Variants in ZNF462 observed in about 807,000 individuals in gnomAD.
ZNF462 encodes zinc finger protein 462, also known as zinc finger PBX1-interacting protein.
ZNF462 carries 10 observed loss-of-function variants against 201.9 expected under a neutral mutation model. The observed-to-expected ratio is 0.05, with a 90% CI of 0.03 to 0.08. The LOEUF is 0.08. ZNF462 is among the 10% of genes least tolerant of loss of function. The probability of loss-of-function intolerance (pLI) is 1.00; values close to 1 mark genes in which losing one functional copy is unlikely to be tolerated. For missense variants in ZNF462, 2,523 were observed against 3,168.3 expected (o/e 0.80, Z 4.89); for synonymous variants, 1,227 against 1,193.3 (o/e 1.03, Z -0.58).
At chr9:106,863,687 T>TG (rs1167335641) in intron 1 of ZNF462, among the ~76,000 whole-genome samples, 2 of 151,542 alleles carry the variant, frequency 1.3e-5, no homozygotes, top group Non-Finnish European at 2.9e-5. Context: ...CTGCTCCTGC[T>TG]GGGGGGAGTG....
At chr9:106,874,094 G>A (rs953124454) in intron 1 of ZNF462, among the ~76,000 whole-genome samples, 1 of 151,694 alleles carries the variant, frequency 6.6e-6, no homozygotes, top group Admixed American at 6.6e-5. Context: ...TATTTTCTTA[G>A]ATAAAGGACT....
In ZNF462 at chr9:106,951,642, G is replaced by T. The variant is rs189403652; in HGVS notation, c.6427+12535G>T. 9.1e-3 allele frequency among the ~76,000 whole-genome samples: 1,389 copies of T among 152,246 alleles called. 22 individuals are homozygous for T. The highest frequency in any genetic ancestry group is 0.032 in the African/African-American group (1,312 of 41,532). On this transcript the variant is annotated intron_variant, in intron 7 of 12. Transcript: ENST00000277225. ...GCACAGCACTAGCCCAGGCAGAGCA[G>T]CTTTCACTGTGCTCCTGGGCTTCCT...
rs556598370 is a variant in ZNF462, at chr9:106,905,502, T to C, written c.-30-17852T>C. Among the ~76,000 whole-genome samples the C allele has an allele frequency of 2.6e-5, 4 of 152,302 alleles. No individual in the cohort carries two copies. Among genetic ancestry groups the C allele is most frequent in the Admixed American group, 6.5e-5 (1 of 15,300 alleles). On this transcript the variant is annotated intron_variant, in intron 1 of 12. Coordinates refer to ENST00000277225, the MANE Select transcript of ZNF462 (RefSeq NM_021224.6). The surrounding 1 kb of genome is among the most constrained non-coding windows in gnomAD (Gnocchi z 5.9). ...AGAATCCCCAAGATTATATGCCCTT[T>C]GTCTTCCACTACTAGGGTGGGTAGG...
intron 7 of ZNF462, among the ~76,000 whole-genome samples, chr9:106,959,506 C>A (rs1394823172): frequency 6.6e-6 from 1 of 152,096 alleles, no homozygotes; most frequent in East Asian, 1.9e-4. Context: ...GGACTTCACA[C>A]ATTGGTCTTA....
chr9:106,899,945 C>T (rs948087687), intron 1 of ZNF462, among the ~76,000 whole-genome samples: 3 of 152,002 alleles, frequency 2.0e-5, no homozygotes, highest in Non-Finnish European at 4.4e-5. Context: ...GCACCCATCA[C>T]CCACATATAC....
chr9:106,956,061 T>C (rs1831559349), intron 7 of ZNF462, among the ~76,000 whole-genome samples: 2 of 152,186 alleles, frequency 1.3e-5, no homozygotes, highest in South Asian at 4.1e-4. Flanking sequence ...GTTCTTAATG[T>C]CATCTAGAAT....
chr9:106,996,481 T>A (rs1348117162), intron 10 of ZNF462, among the ~76,000 whole-genome samples: 4 of 152,148 alleles, frequency 2.6e-5, no homozygotes, highest in Non-Finnish European at 5.9e-5. Flanking sequence ...ACCTGTTGTT[T>A]CCTGACTTTT....
At chr9:106,946,512 T>C (rs535277999) in intron 7 of ZNF462, among the ~76,000 whole-genome samples, 1 of 152,286 alleles carries the variant, frequency 6.6e-6, no homozygotes, top group Non-Finnish European at 1.5e-5. Context: ...CCAGTCTTTC[T>C]GTTCTGTGTG....
At chr9:106,914,283 A>C (rs566068501) in intron 1 of ZNF462, among the ~76,000 whole-genome samples, 1 of 138,578 alleles carries the variant, frequency 7.2e-6, no homozygotes, top group South Asian at 2.8e-4. Flanking sequence ...GGAGATCATT[A>C]AGTTTTCAGT....
intron 10 of ZNF462, among the ~76,000 whole-genome samples, chr9:107,000,313 G>A (rs1829090787): frequency 6.6e-6 from 1 of 151,800 alleles, no homozygotes; most frequent in Non-Finnish European, 1.5e-5. Flanking sequence ...GGCAAGCAGA[G>A]ACTGACATGA....
rs1827546917 is a variant in ZNF462, at chr9:106,870,606, A to C, written c.-31+7251A>C. The stretch of plus-strand genomic sequence containing the variant: ...ACAAAGACCACACCAGGAAAAATGG[A>C]GAAAATTCTACTAGGAACCAATAGA... On this transcript the variant is annotated intron_variant, in intron 1 of 12. Coordinates refer to ENST00000277225, the MANE Select transcript of ZNF462 (RefSeq NM_021224.6). The surrounding 1 kb of genome is among the most constrained non-coding windows in gnomAD (Gnocchi z 4.3). Among the ~76,000 whole-genome samples the C allele has an allele frequency of 6.6e-6, 1 of 152,234 alleles. No individual in the cohort carries two copies. The highest frequency in any genetic ancestry group is 6.5e-5 in the Admixed American group (1 of 15,282).
At chr9:106,982,580 CAT>C (rs764096968) in intron 9 of ZNF462, among the ~76,000 whole-genome samples, 44 of 152,206 alleles carry the variant, frequency 2.9e-4, no homozygotes, top group Non-Finnish European at 6.0e-4. Context: ...ACATTATAAT[CAT>C]GTGTTTCTTA....
intron 10 of ZNF462, among the ~76,000 whole-genome samples, chr9:106,997,561 C>T (rs1828830301): frequency 6.6e-6 from 1 of 152,168 alleles, no homozygotes; most frequent in Non-Finnish European, 1.5e-5. Context: ...TTCCTTGAAG[C>T]TTTTACAAGA....
At chr9:106,982,944 C>G (rs1246822731) in intron 9 of ZNF462, among the ~76,000 whole-genome samples, 1 of 152,174 alleles carries the variant, frequency 6.6e-6, no homozygotes, top group Non-Finnish European at 1.5e-5. Context: ...TTCAGTGACT[C>G]TGGGAATAAA....
At chr9:106,971,637 C>T (rs147677851) in intron 7 of ZNF462, among the ~76,000 whole-genome samples, 11 of 151,220 alleles carry the variant, frequency 7.3e-5, no homozygotes, top group African/African-American at 2.7e-4. Context: ...GCAAACATTC[C>T]GTTATAAAAT....
rs1828478169 is a variant in ZNF462 at position 106,993,789 on chromosome 9, G to A, written c.7056+9380G>A. ...AGTCAGGGTCTTGCTCTGTTGCCCA[G>A]GCTGAGGTGCAATGGCGCAATCATA... is the stretch of plus-strand genomic sequence containing the variant. On this transcript the variant is annotated intron_variant, in intron 10 of 12. Transcript: ENST00000277225. This position sits in a 1 kb window ranked among gnomAD's most constrained non-coding sequence, Gnocchi z 4.0. 6.6e-6 allele frequency among the ~76,000 whole-genome samples: 1 copy of A among 151,954 alleles called. No individual in the cohort carries two copies. The highest frequency in any genetic ancestry group is 1.5e-5 in the Non-Finnish European group (1 of 67,994).
intron 1 of ZNF462, among the ~76,000 whole-genome samples, chr9:106,881,329 G>A (rs1828087965): frequency 6.6e-6 from 1 of 152,158 alleles, no homozygotes; most frequent in Admixed American, 6.5e-5. Context: ...GTATTGGTAG[G>A]CCTGTGAGGA....
intron 1 of ZNF462, among the ~76,000 whole-genome samples, chr9:106,921,553 C>T (rs1351973920): frequency 6.6e-6 from 1 of 152,136 alleles, no homozygotes; most frequent in Non-Finnish European, 1.5e-5. Flanking sequence ...GCTTCAGTGA[C>T]GCAGGAGCTC....
rs759170864 is a variant in ZNF462 at position 106,935,472 on chromosome 9, A to G, written c.6117-31A>G. ...CCTCTATGCAATTTTTAATTTTGTC[A>G]TTTTTCTTTTTGTTTTCCTTCTACA... On this transcript the variant is annotated intron_variant, in intron 5 of 12. Coordinates refer to ENST00000277225, the MANE Select transcript of ZNF462 (RefSeq NM_021224.6). This position sits in a 1 kb window ranked among gnomAD's most constrained non-coding sequence, Gnocchi z 4.1. 1 of 1,598,692 alleles carries G rather than the reference A, an allele frequency of 6.3e-7. No homozygotes were observed. Among genetic ancestry groups the G allele is most frequent in the South Asian group, 1.1e-5 (1 of 90,428 alleles).
Sources: gnomAD v4.1 joint callset for allele counts (sites outside exome capture counted in the v4.1 genomes callset) on GRCh38, gnomAD v4.1.1 for gene constraint, Gnocchi (gnomAD v3.1) non-coding constraint, MANE v1.5 for transcripts, NCBI Gene and HGNC (gene_info 2026-07-23, HGNC 2026-07-21) for gene names.